NAV3: variants seen among roughly 807,000 people sequenced by gnomAD.
NAV3 encodes the protein neuron navigator 3.
Under a neutral mutation model 244.7 loss-of-function variants are expected in NAV3, and 87 were observed. The observed-to-expected ratio is 0.36, with a 90% CI of 0.30 to 0.42. NAV3 has a LOEUF of 0.42. NAV3 is among the 20% of genes least tolerant of loss of function. The probability of loss-of-function intolerance (pLI) is 1.00; values close to 1 mark genes in which losing one functional copy is unlikely to be tolerated. For missense variants in NAV3, 2,663 were observed against 2,893.3 expected (o/e 0.92, Z 1.83); for synonymous variants, 1,126 against 1,042.2 (o/e 1.08, Z -1.55).
chr12:78,091,352 T>TTAA (rs1467952385), intron 12 of NAV3, among the ~76,000 whole-genome samples: 2 of 152,208 alleles, frequency 1.3e-5, no homozygotes, highest in African/African-American at 4.8e-5. Flanking sequence ...GCATAACTCT[T>TTAA]TGATTAATGT....
At chr12:77,989,831 A>G (rs1871152061) in intron 5 of NAV3, among the ~76,000 whole-genome samples, 1 of 152,154 alleles carries the variant, frequency 6.6e-6, no homozygotes, top group Admixed American at 6.5e-5. Context: ...TTACTTTCTA[A>G]AGGGTAATAT....
Position 77,821,542 on chromosome 12 carries a change from A to G in NAV3, c.73-118777A>G, listed in dbSNP as rs1872745790. On this transcript the variant is annotated intron_variant, in intron 2 of 8. Coordinates refer to the NAV3 transcript ENST00000550042. ...AATGTGCAGTATTCCAAGTGATCCT[A>G]TAAATCTTTCACAATTACAAGTTAC... 3.9e-5 allele frequency among the ~76,000 whole-genome samples: 6 copies of G among 152,164 alleles called. No individual in the cohort carries two copies. The South Asian group carries it at 1.2e-3, about 32-fold the overall frequency.
chr12:77,895,024 A>G (rs1884411766), intron 1 of NAV3, among the ~76,000 whole-genome samples: 1 of 152,140 alleles, frequency 6.6e-6, no homozygotes, highest in African/African-American at 2.4e-5. Flanking sequence ...TCTGCAGAGG[A>G]GTAACTTATT....
chr12:77,897,899 C>T (rs1188232101), intron 1 of NAV3, among the ~76,000 whole-genome samples: 1 of 152,132 alleles, frequency 6.6e-6, no homozygotes, highest in African/African-American at 2.4e-5. Context: ...ATCTCATAGT[C>T]TTTTGTTTCT....
At chr12:77,974,201 A>G (rs1677889) in intron 5 of NAV3, among the ~76,000 whole-genome samples, 138,628 of 151,964 alleles carry the variant, frequency 0.91, 63,690 homozygotes, top group East Asian at 1. Context: ...TAAAGACTTG[A>G]TTAACCCAGT....
intron 36 of NAV3, 150 bp downstream of exon 36, chr12:78,198,826 G>T: frequency 1.7e-6 from 1 of 603,708 alleles, no homozygotes; most frequent in Non-Finnish European, 2.9e-6. Context: ...ATGACCTGTG[G>T]TGTGAAAATA....
chr12:77,852,597 T>C (rs1877719061), intron 1 of NAV3, among the ~76,000 whole-genome samples: 1 of 152,090 alleles, frequency 6.6e-6, no homozygotes, highest in Non-Finnish European at 1.5e-5. Context: ...TTATGAAGAA[T>C]AACAAAACAT....
rs557259576 is a variant in NAV3 at position 77,855,955 on chromosome 12, G to A, written c.243+24251G>A. Among the ~76,000 whole-genome samples, 12 of 152,284 alleles carry A rather than the reference G, an allele frequency of 7.9e-5. No individual in the cohort carries two copies. In the South Asian group the frequency reaches 2.3e-3, roughly 29 times the overall value. ...AATTTTTGGTGGTGTATTTTATATA[G>A]CAAGTGCTAACTGATACAGATTCGT... is the stretch of plus-strand genomic sequence containing the variant. On this transcript the variant is annotated intron_variant, in intron 1 of 39. Transcript: ENST00000397909.
chr12:78,152,223 G>T (rs570603125), intron 22 of NAV3, among the ~76,000 whole-genome samples: 2 of 149,690 alleles, frequency 1.3e-5, no homozygotes, highest in African/African-American at 5.0e-5. Context: ...AAAGGTACAG[G>T]TAATGAAGAT....
intron 1 of NAV3, among the ~76,000 whole-genome samples, chr12:77,875,807 A>G (rs558328317): frequency 1.3e-5 from 2 of 152,152 alleles, no homozygotes; most frequent in South Asian, 2.1e-4. Context: ...TTGTTTAAAT[A>G]TGTAATTAAT....
At chr12:78,096,556 T>C (rs1178576925) in intron 12 of NAV3, among the ~76,000 whole-genome samples, 1 of 152,096 alleles carries the variant, frequency 6.6e-6, no homozygotes, top group African/African-American at 2.4e-5. Context: ...GAAAGACTAA[T>C]AAGGAGCAAA....
intron 39 of NAV3, among the ~76,000 whole-genome samples, chr12:78,206,854 C>CTTTTTTTTTTTTT (rs10594185): frequency 2.6e-5 from 3 of 114,840 alleles, no homozygotes; most frequent in Non-Finnish European, 5.3e-5. Context: ...TTCTTTCTTA[C>CTTTTTTTTTTTTT]TTTTTTTTTT....
intron 1 of NAV3, among the ~76,000 whole-genome samples, chr12:77,857,008 G>A (rs538765600): frequency 1.3e-5 from 2 of 152,152 alleles, no homozygotes; most frequent in African/African-American, 4.8e-5. Flanking sequence ...GAATAAATCT[G>A]TTACTTTTAA....
intron 27 of NAV3, 148 bp from the exon 28 acceptor site, chr12:78,177,472 G>C (rs1958285515): frequency 1.8e-5 from 20 of 1,109,008 alleles, no homozygotes; most frequent in Non-Finnish European, 2.4e-5. Flanking sequence ...TCTTTCACTG[G>C]TTTCTTTCAT....
intron 2 of NAV3, among the ~76,000 whole-genome samples, chr12:77,798,060 G>A (rs568922289): frequency 6.6e-6 from 1 of 151,652 alleles, no homozygotes; most frequent in African/African-American, 2.4e-5. Context: ...TACTAGGGAA[G>A]CTGAGGCAGG....
intron 2 of NAV3, among the ~76,000 whole-genome samples, chr12:77,615,420 C>T (rs998687509): frequency 1.3e-5 from 2 of 152,106 alleles, no homozygotes; most frequent in South Asian, 4.2e-4. Flanking sequence ...ATCTTTGTGT[C>T]CCTGTGTTTT....
At chr12:77,977,519 C>G (rs1307881557) in intron 5 of NAV3, among the ~76,000 whole-genome samples, 1 of 152,098 alleles carries the variant, frequency 6.6e-6, no homozygotes, top group Non-Finnish European at 1.5e-5. Flanking sequence ...TGGTTCTCCT[C>G]CATCCACTAA....
intron 2 of NAV3, among the ~76,000 whole-genome samples, chr12:77,762,561 C>T (rs1869526866): frequency 6.6e-6 from 1 of 151,894 alleles, no homozygotes; most frequent in Non-Finnish European, 1.5e-5. Flanking sequence ...TGAGATTGTG[C>T]CATTGCACTC....
chr12:77,653,329 GAATA>G (rs2136998987), intron 2 of NAV3, among the ~76,000 whole-genome samples: 1 of 152,226 alleles, frequency 6.6e-6, no homozygotes, highest in South Asian at 2.1e-4. Context: ...CTGACTGAAT[GAATA>G]AATAAATATT....
Sources: allele counts gnomAD v4.1 joint callset (sites outside exome capture counted in the v4.1 genomes callset), GRCh38; gene constraint gnomAD v4.1.1; transcripts MANE v1.5; gene names NCBI Gene and HGNC (gene_info 2026-07-23, HGNC 2026-07-21).